Variants in PLCE1 observed in about 807,000 individuals in gnomAD.
The protein encoded by PLCE1 is phospholipase C epsilon 1.
Under a neutral mutation model 242.8 loss-of-function variants are expected in PLCE1, and 119 were observed. That is an observed-to-expected ratio of 0.49 (90% CI 0.42 to 0.57). The LOEUF is 0.57. PLCE1 is among the 20% of genes least tolerant of loss of function. The pLI is 0.00. For missense variants in PLCE1, 2,441 were observed against 2,788.8 expected (o/e 0.88, Z 2.81); for synonymous variants, 945 against 1,017.4 (o/e 0.93, Z 1.35).
chr10:94,032,293 CT>C (rs574206745), intron 2 of PLCE1, 41 bp downstream of exon 2: 116 of 1,577,860 alleles, frequency 7.4e-5, no homozygotes, highest in East Asian at 2.9e-4. Flanking sequence ...TTTAAACTTG[CT>C]TTTTTTTTCA....
chr10:94,067,415 C>T (rs1314079748), intron 2 of PLCE1, among the ~76,000 whole-genome samples: 1 of 152,166 alleles, frequency 6.6e-6, no homozygotes, highest in Non-Finnish European at 1.5e-5. Context: ...AACCCAGGAG[C>T]CAGAAAGACC....
chr10:94,031,375 T>C lies in PLCE1; in HGVS notation c.329T>C (p.Leu110Ser). 2 of 1,613,412 alleles carry C rather than the reference T, an allele frequency of 1.2e-6. No homozygotes were observed. The highest frequency in any genetic ancestry group is 1.7e-6 in the Non-Finnish European group (2 of 1,179,424). The change falls in exon 2 of 33, where the codon TTG becomes TCG. Residue 110 changes from leucine to serine, a missense_variant. By Grantham distance (145) the Leu-to-Ser change is moderately radical. This residue lies in a region of PLCE1 where 393 missense variants were observed against 378.5 expected (regional missense o/e 1.04). Coordinates refer to ENST00000371380, the MANE Select transcript of PLCE1 (RefSeq NM_016341.4). The part of the protein sequence containing the change: ...KNLNINCNNI[L>S]RNHQHGLPQR... Reference sequence around the variant, plus strand: ...CTTAACATTAACTGCAACAACATATTGAGAAACCATCAGCATGGCCTTCCT... The same window carrying C: ...CTTAACATTAACTGCAACAACATATCGAGAAACCATCAGCATGGCCTTCCT...
chr10:94,151,624 G>A (rs74151075), intron 3 of PLCE1, among the ~76,000 whole-genome samples: 3,525 of 152,216 alleles, frequency 0.023, 128 homozygotes, highest in African/African-American at 0.08. Flanking sequence ...GCTTAACTGC[G>A]ATGGTTACAG....
At chr10:94,140,299 G>A (rs1377684337) in intron 3 of PLCE1, among the ~76,000 whole-genome samples, 1 of 151,778 alleles carries the variant, frequency 6.6e-6, no homozygotes, top group Non-Finnish European at 1.5e-5. Context: ...TTGAGAGGTC[G>A]AGGCGAGCAC....
intron 2 of PLCE1, among the ~76,000 whole-genome samples, chr10:94,066,320 T>C (rs1306900736): frequency 6.6e-6 from 1 of 152,226 alleles, no homozygotes; most frequent in African/African-American, 2.4e-5. Context: ...GCTTGGCACA[T>C]AGATAGCTCT....
At chr10:94,033,868 A>G (rs2061611801) in intron 2 of PLCE1, among the ~76,000 whole-genome samples, 1 of 152,140 alleles carries the variant, frequency 6.6e-6, no homozygotes, top group South Asian at 2.1e-4. Flanking sequence ...GAGAAACATC[A>G]TTTTTATTGA....
chr10:94,086,431 T>G (rs2135302044), intron 2 of PLCE1, among the ~76,000 whole-genome samples: 1 of 152,308 alleles, frequency 6.6e-6, no homozygotes, highest in East Asian at 1.9e-4. Flanking sequence ...TTATGACCAC[T>G]GAGCATATTA....
rs2050865028 is a variant in PLCE1, at chr10:94,251,275, G to A, written c.3097-1041G>A. On this transcript the variant is annotated intron_variant, in intron 8 of 32. Coordinates refer to ENST00000371380, the MANE Select transcript of PLCE1 (RefSeq NM_016341.4). ...GTTATTCAGCATCCTGGGATCCACA[G>A]CAGGATGCAGGAAGTGGGAATGCAC... Among the ~76,000 whole-genome samples the A allele has an allele frequency of 2.6e-5, 4 of 152,196 alleles. No individual in the cohort carries two copies. In the South Asian group the frequency reaches 8.3e-4, roughly 32 times the overall value.
chr10:94,006,554 A>G (rs537467877), intron 1 of PLCE1, among the ~76,000 whole-genome samples: 2 of 152,336 alleles, frequency 1.3e-5, no homozygotes, highest in African/African-American at 4.8e-5. Context: ...TACCTCCTAC[A>G]AGGGATTGTT....
rs764042919 is a variant in PLCE1, at chr10:94,325,061, C to A, written c.6890C>A (p.Thr2297Lys). ...GTGGGTGGCTTGTCCTCCAGTGACA[C>A]AATGGATTACCGACAGTGACTAAGG... ...KPVGGLSSSD[T>K]MDYRQ Residue 2297 changes from threonine (T) to lysine (K), a missense_variant, in exon 32 of 33, where the codon ACA (threonine) becomes AAA (lysine). Physicochemically the swap from Thr to Lys is moderately conservative, Grantham distance 78 (BLOSUM62 -1). Around this residue, in one of 5 missense-constraint regions of PLCE1, gnomAD observed 310 missense variants for 317.2 expected, o/e 0.98. Transcript: ENST00000371380. The A allele has an allele frequency of 3.7e-6, 6 of 1,614,114 alleles. No homozygotes were observed. The highest frequency in any genetic ancestry group is 2.2e-5 in the East Asian group (1 of 44,874).
At chr10:94,095,445 C>A (rs1004812842) in intron 2 of PLCE1, among the ~76,000 whole-genome samples, 12 of 152,166 alleles carry the variant, frequency 7.9e-5, no homozygotes, top group Admixed American at 2.6e-4. Flanking sequence ...TAACCTCCAC[C>A]TCCCAGGTTC....
In PLCE1 at chr10:94,030,933, G is replaced by A. The variant is rs1397733440; in HGVS notation, c.-114G>A. On this transcript the variant is annotated 5_prime_UTR_variant, in exon 2 of 33. The change creates a premature stop within an existing upstream ORF in the 5' untranslated region. Coordinates refer to ENST00000371380, the MANE Select transcript of PLCE1 (RefSeq NM_016341.4). ...AAAGGAATTATCCCTTTGTTCTTTG[G>A]GAGGACTTGTGTATCTGAGATTGTT... The A allele has an allele frequency of 9.7e-7, 1 of 1,030,272 alleles. No individual in the cohort carries two copies. Among genetic ancestry groups the A allele is most frequent in the Non-Finnish European group, 1.5e-6 (1 of 655,498 alleles). 63.8% of individuals were successfully genotyped at this position (1,030,272 alleles called of 1,614,324 possible). A position where few individuals can be genotyped will look rare whatever the true frequency, so the allele number is the denominator to read the frequency against.
At chr10:94,120,682 T>C (rs753983172) in intron 2 of PLCE1, 11 of 152,216 alleles carry the variant, frequency 7.2e-5, no homozygotes, top group African/African-American at 1.9e-4. Context: ...TCACACTCTG[T>C]CCTCATTCTC....
At chr10:94,248,983 C>T (rs1486208187) in intron 8 of PLCE1, among the ~76,000 whole-genome samples, 1 of 152,178 alleles carries the variant, frequency 6.6e-6, no homozygotes, top group South Asian at 2.1e-4. Context: ...AGAGTTGCTG[C>T]TAGAACAGAG....
At chr10:94,071,496 T>TTTTTTTTTTTTTTTGTTGTTG (rs1491184539) in intron 2 of PLCE1, among the ~76,000 whole-genome samples, 14 of 54,472 alleles carry the variant, frequency 2.6e-4, no homozygotes, top group South Asian at 8.1e-4. Context: ...TTGGTTTTCG[T>TTTTTTTTTTTTTTTGTTGTTG]TTTTTTTTTT....
intron 2 of PLCE1, among the ~76,000 whole-genome samples, chr10:94,033,301 G>A (rs536544508): frequency 6.6e-6 from 1 of 151,958 alleles, no homozygotes; most frequent in East Asian, 1.9e-4. Flanking sequence ...ATATACTTAT[G>A]TATATATAGT....
intron 4 of PLCE1, among the ~76,000 whole-genome samples, chr10:94,198,857 G>GA (rs1292671144): frequency 1.3e-5 from 2 of 152,108 alleles, no homozygotes; most frequent in Admixed American, 6.5e-5. Flanking sequence ...AGACCAACCT[G>GA]GGCAAATCCT....
intron 2 of PLCE1, among the ~76,000 whole-genome samples, chr10:94,047,608 G>A (rs1270649828): frequency 3.3e-5 from 5 of 152,088 alleles, no homozygotes; most frequent in African/African-American, 1.2e-4. Context: ...AGAAATTGTT[G>A]CCAGCATCTG....
At position 94,295,630 on chromosome 10, in the gene PLCE1, GA is replaced by G. The variant is rs369441521; in HGVS notation, c.5167+1993del. Among the ~76,000 whole-genome samples, 266 of 152,286 alleles carry G rather than the reference GA, an allele frequency of 1.7e-3. 2 individuals are homozygous for G. The highest frequency in any genetic ancestry group is 5.9e-3 in the African/African-American group (244 of 41,550). ...TGCTCTTAAGGGCGTCTAGAATGGTGAATTCTTTCTAGGAGGTTTTCATTTT... is the reference window on the plus strand; with the variant it reads ...TGCTCTTAAGGGCGTCTAGAATGGTGATTCTTTCTAGGAGGTTTTCATTTT... On this transcript the variant is annotated intron_variant, in intron 23 of 32. Transcript: ENST00000371380.
Sources: gnomAD v4.1 joint callset for allele counts (sites outside exome capture counted in the v4.1 genomes callset) on GRCh38, gnomAD v4.1.1 for gene constraint, gnomAD v4.1.1 regional missense constraint, MANE v1.5 for transcripts, NCBI Gene and HGNC (gene_info 2026-07-23, HGNC 2026-07-21) for gene names.